PRKN: variants seen among roughly 807,000 people sequenced by gnomAD.
PRKN encodes the protein parkin RBR E3 ubiquitin protein ligase.
A neutral mutation model predicts 59.5 loss-of-function variants in PRKN; 56 were observed. That is an observed-to-expected ratio of 0.94 (90% CI 0.76 to 1.18). PRKN has a LOEUF of 1.18. Among genes scored for constraint, PRKN ranks in the 50% most tolerant of loss-of-function variants. PRKN has a pLI of 0.00. For synonymous variants in PRKN, 250 were observed against 222.1 expected (o/e 1.13, Z -1.12); for missense variants, 657 against 596.4 (o/e 1.10, Z -1.06).
chr6:161,515,080 A>G (rs1019562876), intron 9 of PRKN, among the ~76,000 whole-genome samples: 1 of 152,222 alleles, frequency 6.6e-6, no homozygotes, highest in Non-Finnish European at 1.5e-5. Flanking sequence ...GCCAACGTGC[A>G]GTGTCTTCCA....
chr6:162,052,832 G>A (rs1777699197), intron 5 of PRKN, among the ~76,000 whole-genome samples: 1 of 150,498 alleles, frequency 6.6e-6, no homozygotes, highest in African/African-American at 2.4e-5. Context: ...ATAGGGGCAA[G>A]ATTCTATGTA....
intron 1 of PRKN, among the ~76,000 whole-genome samples, chr6:162,667,252 C>A (rs1474377607): frequency 6.6e-6 from 1 of 151,970 alleles, no homozygotes; most frequent in Non-Finnish European, 1.5e-5. Flanking sequence ...ATATTAAAAA[C>A]AAGTCTTGCT....
At chr6:162,317,701 G>A (rs9458516) in intron 2 of PRKN, among the ~76,000 whole-genome samples, 34,409 of 151,794 alleles carry the variant, frequency 0.23, 4,792 homozygotes, top group East Asian at 0.52. Context: ...TTTCAACTTT[G>A]ACATGTGATG....
intron 6 of PRKN, among the ~76,000 whole-genome samples, chr6:161,821,922 T>A (rs1407116199): frequency 1.3e-5 from 2 of 151,930 alleles, no homozygotes; most frequent in African/African-American, 2.4e-5. Flanking sequence ...CTGATTTTTG[T>A]ATTTTTAGTA....
At chr6:161,847,006 G>A (rs1449224530) in intron 6 of PRKN, among the ~76,000 whole-genome samples, 1 of 152,104 alleles carries the variant, frequency 6.6e-6, no homozygotes, top group African/African-American at 2.4e-5. Flanking sequence ...AGGCCCAAAA[G>A]TCATTTAAGA....
chr6:162,549,651 T>C (rs942818134), intron 1 of PRKN, among the ~76,000 whole-genome samples: 6 of 151,354 alleles, frequency 4.0e-5, no homozygotes, highest in Non-Finnish European at 8.8e-5. Context: ...TTTTTTTTTT[T>C]TTTTTTTGAC....
intron 7 of PRKN, among the ~76,000 whole-genome samples, chr6:161,672,085 T>C (rs1023224214): frequency 2.6e-5 from 4 of 152,194 alleles, no homozygotes; most frequent in Non-Finnish European, 5.9e-5. Flanking sequence ...TTGGTAACTC[T>C]TGAAGACAAA....
In PRKN at chr6:162,163,907, A is replaced by G. The variant is rs958602970; in HGVS notation, c.534+37224T>C. On this transcript the variant is annotated intron_variant, in intron 4 of 11. Coordinates refer to ENST00000366898, the MANE Select transcript of PRKN (RefSeq NM_004562.3). ...GCTACAGGCCTTATCCTCTAATTAA[A>G]CCAACCCCACTGCTCTAGAAGAATA... Among the ~76,000 whole-genome samples, 28 of 149,006 alleles carry G rather than the reference A, an allele frequency of 1.9e-4. 5 individuals are homozygous for G. The highest frequency in any genetic ancestry group is 7.1e-4 in the African/African-American group (28 of 39,634).
intron 7 of PRKN, among the ~76,000 whole-genome samples, chr6:161,585,105 T>C (rs1212784913): frequency 6.6e-6 from 1 of 152,204 alleles, no homozygotes; most frequent in Non-Finnish European, 1.5e-5. Context: ...TTATCTGTAG[T>C]CAGCGTTCCT....
intron 2 of PRKN, among the ~76,000 whole-genome samples, chr6:162,353,376 T>G (rs142875172): frequency 0.011 from 1,678 of 152,114 alleles, 14 homozygotes; most frequent in African/African-American, 0.031. Flanking sequence ...AAAATGAAAT[T>G]GAGTGCTAAG....
At position 161,445,750 on chromosome 6, in the gene PRKN, G is replaced by A. The variant is rs1465094443; in HGVS notation, c.1084-58873C>T. On this transcript the variant is annotated intron_variant, in intron 9 of 11. Coordinates refer to ENST00000366898, the MANE Select transcript of PRKN (RefSeq NM_004562.3). The surrounding 1 kb of genome is among the most constrained non-coding windows in gnomAD (Gnocchi z 7.7). ...AGGTGACTGCACAGAGTGATGAGCTGGGCCCACTTTCCTGCTATTGGCCGC... is the reference window on the plus strand; with the variant it reads ...AGGTGACTGCACAGAGTGATGAGCTAGGCCCACTTTCCTGCTATTGGCCGC... 6.6e-6 allele frequency among the ~76,000 whole-genome samples: 1 copy of A among 152,152 alleles called. No individual in the cohort carries two copies. Among genetic ancestry groups the A allele is most frequent in the Non-Finnish European group, 1.5e-5 (1 of 68,036 alleles).
intron 1 of PRKN, among the ~76,000 whole-genome samples, chr6:162,586,408 A>G (rs1326347762): frequency 6.6e-6 from 1 of 152,172 alleles, no homozygotes; most frequent in Non-Finnish European, 1.5e-5. Flanking sequence ...ATGTTCTGCT[A>G]TGATTGTCAG....
rs147127451 is a variant in PRKN at position 162,185,833 on chromosome 6, C to T, written c.534+15298G>A. On this transcript the variant is annotated intron_variant, in intron 4 of 11. Coordinates refer to ENST00000366898, the MANE Select transcript of PRKN (RefSeq NM_004562.3). ...CTTAGAAGAAAAGGATGACAGTGAT[C>T]CTGCACATTTAAAATATTTTAAATG... 7.9e-5 allele frequency among the ~76,000 whole-genome samples: 12 copies of T among 152,226 alleles called. No individual in the cohort carries two copies. The East Asian group carries it at 1.7e-3, about 22-fold the overall frequency.
At position 161,444,917 on chromosome 6, in the gene PRKN, G is replaced by A. The variant is rs1238522378; in HGVS notation, c.1084-58040C>T. Among the ~76,000 whole-genome samples the A allele has an allele frequency of 6.6e-6, 1 of 151,986 alleles. No individual in the cohort carries two copies. Among genetic ancestry groups the A allele is most frequent in the Non-Finnish European group, 1.5e-5 (1 of 68,002 alleles). The stretch of plus-strand genomic sequence containing the variant: ...TAATAGTTATTTATTTTTAAAAAAA[G>A]CCAGTACCTCTCCAGTCTTCATTTT... On this transcript the variant is annotated intron_variant, in intron 9 of 11. Coordinates refer to ENST00000366898, the MANE Select transcript of PRKN (RefSeq NM_004562.3). The surrounding 1 kb of genome is among the most constrained non-coding windows in gnomAD (Gnocchi z 5.6).
At chr6:161,567,001 C>G (rs1562529878) in intron 8 of PRKN, among the ~76,000 whole-genome samples, 1 of 150,648 alleles carries the variant, frequency 6.6e-6, no homozygotes, top group Non-Finnish European at 1.5e-5. Flanking sequence ...TTCACCTCTT[C>G]CTCCAGTATT....
In PRKN at chr6:161,866,960, G is replaced by C. The variant is rs1253645608; in HGVS notation, c.735-81052C>G. Among the ~76,000 whole-genome samples the C allele has an allele frequency of 2.0e-5, 3 of 152,272 alleles. No individual in the cohort carries two copies. The South Asian group carries it at 6.2e-4, about 32-fold the overall frequency. On this transcript the variant is annotated intron_variant, in intron 6 of 11. Transcript: ENST00000366898. ...GCTTAATTTAAATAGAGTCCCACCT[G>C]GACTGGGATCACTGCTGGCCTGAGT... is the stretch of plus-strand genomic sequence containing the variant.
At chr6:162,281,977 C>T (rs962546251) in intron 2 of PRKN, among the ~76,000 whole-genome samples, 13 of 152,164 alleles carry the variant, frequency 8.5e-5, no homozygotes, top group Non-Finnish European at 1.5e-4. Context: ...AGATACCTCA[C>T]ACGTGCAGTT....
chr6:162,043,210 C>G (rs1784130299), intron 5 of PRKN, among the ~76,000 whole-genome samples: 1 of 152,094 alleles, frequency 6.6e-6, no homozygotes, highest in South Asian at 2.1e-4. Flanking sequence ...CTGGGTCCCT[C>G]CAGCAACACA....
intron 3 of PRKN, among the ~76,000 whole-genome samples, chr6:162,228,920 C>G (rs1778302776): frequency 6.6e-6 from 1 of 152,158 alleles, no homozygotes; most frequent in Non-Finnish European, 1.5e-5. Flanking sequence ...TCCACATGCA[C>G]CACCAGTAGC....
Sources: gnomAD v4.1 joint callset for allele counts (sites outside exome capture counted in the v4.1 genomes callset) on GRCh38, gnomAD v4.1.1 for gene constraint, Gnocchi (gnomAD v3.1) non-coding constraint, MANE v1.5 for transcripts, NCBI Gene and HGNC (gene_info 2026-07-23, HGNC 2026-07-21) for gene names.